CDKAL1: variants seen among roughly 807,000 people sequenced by gnomAD.
The protein encoded by CDKAL1 is CDKAL1 threonylcarbamoyladenosine tRNA methylthiotransferase.
CDKAL1 carries 32 observed loss-of-function variants against 68.2 expected under a neutral mutation model. That is an observed-to-expected ratio of 0.47 (90% CI 0.35 to 0.63). The LOEUF (loss-of-function observed/expected upper bound fraction) is 0.63, where lower values mean the gene tolerates loss of function less well. Ranked by LOEUF, CDKAL1 falls within the 30% of genes least tolerant of loss-of-function variation. The pLI, the probability that CDKAL1 is intolerant of heterozygous loss-of-function variation, is 0.00. For synonymous variants in CDKAL1, 234 were observed against 244.3 expected (o/e 0.96, Z 0.39); for missense variants, 606 against 696.7 (o/e 0.87, Z 1.47).
intron 11 of CDKAL1, among the ~76,000 whole-genome samples, chr6:21,051,287 T>A (rs1561990572): frequency 6.6e-6 from 1 of 152,168 alleles, no homozygotes; most frequent in Non-Finnish European, 1.5e-5. Flanking sequence ...GGCAGGAGGA[T>A]CATTTGCACC....
chr6:21,020,827 T>C (rs1347317149), intron 11 of CDKAL1, among the ~76,000 whole-genome samples: 2 of 150,946 alleles, frequency 1.3e-5, no homozygotes, highest in Non-Finnish European at 3.0e-5. Flanking sequence ...CCTAGGCTTA[T>C]CTTGAACTCC....
At chr6:20,665,224 A>G (rs1385434609) in intron 5 of CDKAL1, among the ~76,000 whole-genome samples, 1 of 152,156 alleles carries the variant, frequency 6.6e-6, no homozygotes, top group Non-Finnish European at 1.5e-5. Context: ...GTGTTTTGCA[A>G]CGTACCCTTT....
intron 9 of CDKAL1, among the ~76,000 whole-genome samples, chr6:20,924,347 C>G (rs1763090124): frequency 6.6e-6 from 1 of 151,340 alleles, no homozygotes; most frequent in Admixed American, 6.6e-5. Flanking sequence ...GCCTGAGCGA[C>G]AGAGTAAGAC....
intron 9 of CDKAL1, among the ~76,000 whole-genome samples, chr6:20,929,433 TGGTAGAAAAAGTAA>T (rs1289747441): frequency 1.3e-5 from 2 of 152,162 alleles, no homozygotes; most frequent in African/African-American, 4.8e-5. Context: ...ACAGAGGCAG[TGGTAGAAAAAGTAA>T]GGTAGAAAAA....
intron 5 of CDKAL1, among the ~76,000 whole-genome samples, chr6:20,660,585 T>C (rs1016075423): frequency 4.6e-5 from 7 of 152,200 alleles, no homozygotes; most frequent in Non-Finnish European, 8.8e-5. Flanking sequence ...GATCTTGTGC[T>C]CCTCACTATC....
At chr6:21,184,441 C>A (rs1232989482) in intron 13 of CDKAL1, among the ~76,000 whole-genome samples, 7 of 152,100 alleles carry the variant, frequency 4.6e-5, no homozygotes, top group African/African-American at 1.7e-4. Context: ...GTGATCAACC[C>A]ACCTCGGCCT....
intron 13 of CDKAL1, among the ~76,000 whole-genome samples, chr6:21,136,929 T>C (rs1459941930): frequency 6.6e-6 from 1 of 152,202 alleles, no homozygotes; most frequent in Admixed American, 6.5e-5. Flanking sequence ...TAGCTGTCTC[T>C]CCTATACTGC....
intron 9 of CDKAL1, among the ~76,000 whole-genome samples, chr6:20,902,311 T>TCACACACA (rs71658260): frequency 1.2e-4 from 1 of 8,224 alleles, no homozygotes; most frequent in African/African-American, 7.3e-4. Flanking sequence ...CGTGGTGGAT[T>TCACACACA]CACACACACA....
intron 4 of CDKAL1, among the ~76,000 whole-genome samples, chr6:20,584,270 T>A (rs1363813004): frequency 6.6e-6 from 1 of 151,776 alleles, no homozygotes; most frequent in African/African-American, 2.4e-5. Context: ...CACACAGGAG[T>A]CCGGTTTGAT....
chr6:20,775,429 A>G (rs4493738), intron 7 of CDKAL1, among the ~76,000 whole-genome samples: 12,313 of 152,284 alleles, frequency 0.081, 827 homozygotes, highest in East Asian at 0.34. Context: ...TTTCCATCAC[A>G]GTGCTAGGCC....
At chr6:21,125,529 G>C (rs181795819) in intron 13 of CDKAL1, among the ~76,000 whole-genome samples, 6 of 152,002 alleles carry the variant, frequency 3.9e-5, no homozygotes. Context: ...AAAATTAGCC[G>C]GGCATGGTGG....
chr6:21,015,777 A>C (rs1768291558), intron 11 of CDKAL1, among the ~76,000 whole-genome samples: 1 of 152,002 alleles, frequency 6.6e-6, no homozygotes, highest in African/African-American at 2.4e-5. Flanking sequence ...AAATACAAAA[A>C]TTAGCCAGGC....
chr6:20,986,612 A>C (rs1766470553), intron 10 of CDKAL1, among the ~76,000 whole-genome samples: 1 of 150,914 alleles, frequency 6.6e-6, no homozygotes, highest in South Asian at 2.1e-4. Flanking sequence ...TCTCTTTAGA[A>C]GGACTTTAAC....
At chr6:20,682,525 AGATGGG>A (rs1770426137) in intron 5 of CDKAL1, among the ~76,000 whole-genome samples, 1 of 152,168 alleles carries the variant, frequency 6.6e-6, no homozygotes, top group South Asian at 2.1e-4. Flanking sequence ...GGGCAGGAGG[AGATGGG>A]AGTGCTACAC....
chr6:20,592,653 A>G (rs1253548995), intron 4 of CDKAL1, among the ~76,000 whole-genome samples: 1 of 151,966 alleles, frequency 6.6e-6, no homozygotes, highest in Non-Finnish European at 1.5e-5. Context: ...TATCCTTAGT[A>G]GAGATGGGGA....
chr6:21,145,399 C>T (rs186962587), intron 13 of CDKAL1, among the ~76,000 whole-genome samples: 26 of 152,214 alleles, frequency 1.7e-4, no homozygotes, highest in Admixed American at 3.9e-4. Flanking sequence ...TTTTTCCCCT[C>T]CTCCTGTGAA....
At chr6:21,039,839 T>C (rs997184012) in intron 11 of CDKAL1, among the ~76,000 whole-genome samples, 1 of 152,176 alleles carries the variant, frequency 6.6e-6, no homozygotes, top group Admixed American at 6.6e-5. Flanking sequence ...TTTTTTCTAT[T>C]TTGTTGTCTA....
At chr6:20,625,680 T>C (rs1250070089) in intron 4 of CDKAL1, among the ~76,000 whole-genome samples, 1 of 152,150 alleles carries the variant, frequency 6.6e-6, no homozygotes, top group Non-Finnish European at 1.5e-5. Context: ...AGATCCATTT[T>C]CCCTATTGGG....
chr6:20,896,104 T>TG (rs1451802419), intron 9 of CDKAL1, among the ~76,000 whole-genome samples: 5 of 24,710 alleles, frequency 2.0e-4, no homozygotes, highest in South Asian at 1.7e-3. Context: ...TTTTCTTTTC[T>TG]TTTTTTTTTT....
Sources: allele counts gnomAD v4.1 joint callset (sites outside exome capture counted in the v4.1 genomes callset), GRCh38; gene constraint gnomAD v4.1.1; transcripts MANE v1.5; gene names NCBI Gene and HGNC (gene_info 2026-07-23, HGNC 2026-07-21).